The following TSPAN15 variants were observed in gnomAD, a reference collection of about 807,000 sequenced individuals.
The protein encoded by TSPAN15 is tetraspanin 15, also known as tetraspanin-15.
In TSPAN15, 20 loss-of-function variants were observed where a neutral mutation model predicts 34.5. The observed-to-expected ratio is 0.58, with a 90% CI of 0.41 to 0.84. The LOEUF is 0.84. Among genes scored for constraint, TSPAN15 ranks in the 40% least tolerant of loss-of-function variants. TSPAN15 has a pLI of 0.00. For missense variants in TSPAN15, 313 were observed against 386.1 expected (o/e 0.81, Z 1.59); for synonymous variants, 155 against 153.9 (o/e 1.01, Z -0.05).
chr10:69,480,072 A>C (rs1841699494), intron 1 of TSPAN15, among the ~76,000 whole-genome samples: 1 of 152,190 alleles, frequency 6.6e-6, no homozygotes, highest in Admixed American at 6.5e-5. Flanking sequence ...TTCTGCCAGC[A>C]AGGGTGTTCT....
chr10:69,518,720 C>T, the TSPAN15 span, among the ~76,000 whole-genome samples: 1 of 152,186 alleles, frequency 6.6e-6, no homozygotes, highest in Non-Finnish European at 1.5e-5. Flanking sequence ...CCGCACCCGG[C>T]CATAAACTCT....
At chr10:69,537,261 G>A in the TSPAN15 span, among the ~76,000 whole-genome samples, 4 of 152,190 alleles carry the variant, frequency 2.6e-5, no homozygotes, top group Non-Finnish European at 2.9e-5. Flanking sequence ...CTGCAGCACC[G>A]TGAAAGAGTA....
the TSPAN15 span, among the ~76,000 whole-genome samples, chr10:69,544,585 G>A: frequency 5.9e-5 from 9 of 152,230 alleles, no homozygotes; most frequent in African/African-American, 2.2e-4. Context: ...CGGCTTCACG[G>A]CCTTGCTGCC....
chr10:69,497,457 C>T (rs1316693919), intron 4 of TSPAN15, among the ~76,000 whole-genome samples: 1 of 152,200 alleles, frequency 6.6e-6, no homozygotes, highest in Non-Finnish European at 1.5e-5. Context: ...TTGCATGGGT[C>T]GTCTGGCTTC....
intron 1 of TSPAN15, among the ~76,000 whole-genome samples, chr10:69,477,110 C>G (rs1293412967): frequency 6.6e-6 from 1 of 152,054 alleles, no homozygotes; most frequent in African/African-American, 2.4e-5. Flanking sequence ...CCTTCCCTAG[C>G]TTGTGGCAGG....
In TSPAN15 at chr10:69,507,472, C is replaced by G. The variant is rs1329115712; in HGVS notation, c.*494C>G. On this transcript the variant is annotated 3_prime_UTR_variant, in exon 8 of 8. Coordinates refer to ENST00000373290, the MANE Select transcript of TSPAN15 (RefSeq NM_012339.5). ...GGCCTCTTCTCAGCCTCCCAGGTGC[C>G]TTGAGCCCTCTTGCAAGGGCGGCTG... The G allele has an allele frequency of 1.5e-6, 2 of 1,303,562 alleles. No homozygotes were observed. Among genetic ancestry groups the G allele is most frequent in the African/African-American group, 1.5e-5 (1 of 65,730 alleles). 80.7% of individuals were successfully genotyped at this position (1,303,562 alleles called of 1,614,324 possible). A position where few individuals can be genotyped will look rare whatever the true frequency, so the allele number is the denominator to read the frequency against.
intron 1 of TSPAN15, among the ~76,000 whole-genome samples, chr10:69,475,392 T>C (rs961228510): frequency 3.9e-5 from 6 of 152,186 alleles, no homozygotes; most frequent in African/African-American, 1.4e-4. Context: ...AGTCAAACTC[T>C]GTGCATCCTT....
At chr10:69,512,294 C>T (rs1373908860), downstream of TSPAN15, among the ~76,000 whole-genome samples, 1 of 152,166 alleles carries the variant, frequency 6.6e-6, no homozygotes, top group Non-Finnish European at 1.5e-5. Flanking sequence ...GTGCAGCCTA[C>T]ATCATTTGTG....
At chr10:69,546,598 C>A in the TSPAN15 span, among the ~76,000 whole-genome samples, 3 of 152,182 alleles carry the variant, frequency 2.0e-5, no homozygotes, top group Non-Finnish European at 4.4e-5. Context: ...CAACTCTGCC[C>A]TGACACCCTC....
At chr10:69,508,370 G>A (rs1842377983), downstream of TSPAN15, among the ~76,000 whole-genome samples, 1 of 144,670 alleles carries the variant, frequency 6.9e-6, no homozygotes, top group Admixed American at 7.0e-5. Context: ...GAACCCGGGA[G>A]GCGGAGGTTG....
At chr10:69,473,161 TTTG>T (rs927767058) in intron 1 of TSPAN15, among the ~76,000 whole-genome samples, 4 of 151,786 alleles carry the variant, frequency 2.6e-5, no homozygotes, top group East Asian at 1.9e-4. Context: ...AGGAGGGCAT[TTTG>T]TTGTTGTTGT....
chr10:69,519,456 G>C, the TSPAN15 span, among the ~76,000 whole-genome samples: 5 of 152,084 alleles, frequency 3.3e-5, no homozygotes, highest in Non-Finnish European at 7.4e-5. Flanking sequence ...ATGTCTATAA[G>C]AAGAAAAGTA....
At chr10:69,537,643 A>G in the TSPAN15 span, among the ~76,000 whole-genome samples, 6 of 152,218 alleles carry the variant, frequency 3.9e-5, no homozygotes, top group Admixed American at 1.3e-4. Flanking sequence ...CTGCTCCACT[A>G]TGACGTCATC....
At chr10:69,477,642 G>GGT (rs1403449958) in intron 1 of TSPAN15, among the ~76,000 whole-genome samples, 1 of 152,232 alleles carries the variant, frequency 6.6e-6, no homozygotes, top group Non-Finnish European at 1.5e-5. Flanking sequence ...TACCACACTA[G>GGT]GTGTTGGCAT....
chr10:69,462,492 C>T (rs544293345), intron 1 of TSPAN15, among the ~76,000 whole-genome samples: 4 of 152,066 alleles, frequency 2.6e-5, no homozygotes, highest in Middle Eastern at 3.4e-3. Flanking sequence ...CCCACCATCA[C>T]GCCCAGCTAA....
Position 69,451,560 on chromosome 10 carries a change from C to T in TSPAN15, c.-35C>T, listed in dbSNP as rs1388729765. 1 of 1,389,856 alleles carries T rather than the reference C, an allele frequency of 7.2e-7. No individual in the cohort carries two copies. The highest frequency in any genetic ancestry group is 1.6e-5 in the South Asian group (1 of 62,042). The allele number at this position is 1,389,856 out of a possible 1,614,324, so 86.1% of individuals were successfully genotyped here. ...GCTGAGGGACCGAGCCGGAGAGCCC[C>T]GGAGCCCCCGTAACCCGCGCGGGGA... On this transcript the variant is annotated 5_prime_UTR_variant, in exon 1 of 8. Coordinates refer to ENST00000373290, the MANE Select transcript of TSPAN15 (RefSeq NM_012339.5).
At chr10:69,483,280 G>A (rs1409500680) in intron 1 of TSPAN15, among the ~76,000 whole-genome samples, 6 of 152,078 alleles carry the variant, frequency 3.9e-5, no homozygotes, top group African/African-American at 1.2e-4. Context: ...GAGCCACCGC[G>A]CCCGGCCTGC....
chr10:69,453,187 T>A (rs1841012510), intron 1 of TSPAN15, among the ~76,000 whole-genome samples: 1 of 152,062 alleles, frequency 6.6e-6, no homozygotes, highest in Non-Finnish European at 1.5e-5. Flanking sequence ...GTGGAAGCTC[T>A]AGGGAGACAG....
At chr10:69,490,679 C>T (rs1250069945) in intron 3 of TSPAN15, among the ~76,000 whole-genome samples, 1 of 152,248 alleles carries the variant, frequency 6.6e-6, no homozygotes, top group East Asian at 1.9e-4. Context: ...CATGATCGTG[C>T]TACTGCACTC....
Sources: allele counts gnomAD v4.1 joint callset (sites outside exome capture counted in the v4.1 genomes callset), GRCh38; gene constraint gnomAD v4.1.1; transcripts MANE v1.5; gene names NCBI Gene and HGNC (gene_info 2026-07-23, HGNC 2026-07-21).